BRCA1: variants seen among roughly 807,000 people sequenced by gnomAD.
The protein encoded by BRCA1 is BRCA1 DNA repair associated.
BRCA1 carries 140 observed loss-of-function variants against 173.7 expected under a neutral mutation model. The ratio of observed to expected loss-of-function variants is 0.81; its 90% CI spans 0.70 to 0.93. The LOEUF (loss-of-function observed/expected upper bound fraction) is 0.93. Ranked by LOEUF, BRCA1 falls within the 40% of genes least tolerant of loss-of-function variation. The pLI, the probability that BRCA1 is intolerant of heterozygous loss-of-function variation, is 0.00. For synonymous variants in BRCA1, 662 were observed against 756.0 expected, an observed-to-expected ratio of 0.88 and a Z score of 2.04; for missense variants, 1,983 against 2,172.5, an observed-to-expected ratio of 0.91 and a Z score of 1.73.
At chr17:43,097,408 T>A (rs2154522166) in intron 7 of BRCA1, 119 bp from the exon 8 acceptor site, 1 of 903,062 alleles carries the variant, frequency 1.1e-6, no homozygotes, top group Non-Finnish European at 1.8e-6. Flanking sequence ...GCATCTACTG[T>A]GGCAGGTACA....
At chr17:43,156,556 C>A (rs2056198465) in intron 1 of BRCA1, among the ~76,000 whole-genome samples, 1 of 152,064 alleles carries the variant, frequency 6.6e-6, no homozygotes, top group Admixed American at 6.6e-5. Flanking sequence ...TGACTTGTAC[C>A]AATGTGGGTA....
intron 1 of BRCA1, among the ~76,000 whole-genome samples, chr17:43,157,513 A>G (rs2056205002): frequency 6.6e-6 from 1 of 151,898 alleles, no homozygotes. Flanking sequence ...TCCTGACAAC[A>G]TGGTGAAACC....
intron 1 of BRCA1, among the ~76,000 whole-genome samples, chr17:43,131,837 G>A (rs35406806): frequency 0.32 from 47,970 of 151,644 alleles, 7,869 homozygotes; most frequent in South Asian, 0.49. Flanking sequence ...AGGCTGCAGT[G>A]CAGTGGCGCA....
intron 16 of BRCA1, among the ~76,000 whole-genome samples, chr17:43,065,349 C>A (rs1196745117): frequency 2.6e-5 from 4 of 152,046 alleles, no homozygotes; most frequent in Non-Finnish European, 5.9e-5. Flanking sequence ...TAGATCCTCT[C>A]CTTAAGTGCC....
intron 19 of BRCA1, among the ~76,000 whole-genome samples, chr17:43,055,071 G>C (rs2051404076): frequency 6.6e-6 from 1 of 152,080 alleles, no homozygotes; most frequent in Non-Finnish European, 1.5e-5. Flanking sequence ...GAAATGCCTG[G>C]TAGTGCACAC....
chr17:43,050,335 A>G (rs745806237), intron 20 of BRCA1: 16 of 364,550 alleles, frequency 4.4e-5, no homozygotes, highest in Non-Finnish European at 5.8e-5. Context: ...AGGGCTGGGC[A>G]CAGTGGCTCA....
rs80357407 is a variant in BRCA1 at position 43,091,495 on chromosome 17, C to T, written c.4036G>A (p.Glu1346Lys). ...SDKELVSDDE[E>K]RGTGLEENNQ... ...TTTTCTTCCAAGCCCGTTCCTCTTT[C>T]TTCATCATCTGAAACCAATTCCTTG... Residue 1346 changes from glutamate to lysine, a missense_variant, in exon 10 of 23, where the codon GAA (glutamate) becomes AAA (lysine). Coordinates refer to ENST00000357654, the MANE Select transcript of BRCA1 (RefSeq NM_007294.4). The T allele has an allele frequency of 4.3e-5, 69 of 1,613,396 alleles. No homozygotes were observed. The highest frequency in any genetic ancestry group is 5.7e-5 in the Non-Finnish European group (67 of 1,179,598).
chr17:43,124,188 T>C, intron 1 of BRCA1, 73 bp from the exon 2 acceptor site: 1 of 901,960 alleles, frequency 1.1e-6, no homozygotes, highest in South Asian at 1.6e-5. Context: ...CATTTTATCA[T>C]TTTAAAATAA....
At chr17:43,059,394 C>T (rs1293455881) in intron 18 of BRCA1, among the ~76,000 whole-genome samples, 3 of 151,938 alleles carry the variant, frequency 2.0e-5, no homozygotes, top group East Asian at 1.9e-4. Context: ...AACCGGGAGG[C>T]GGAGGTTGGA....
In BRCA1 at chr17:43,097,484, G is replaced by A. The variant is rs531944661; in HGVS notation, c.548-195C>T. Reference sequence around the variant, plus strand: ...AGGCATGGGCTTCGCCAGGCACAGTGGCTCTCACCTGTAATCCCAGCACTT... The same window carrying A: ...AGGCATGGGCTTCGCCAGGCACAGTAGCTCTCACCTGTAATCCCAGCACTT... On this transcript the variant is annotated intron_variant, in intron 7 of 22. Coordinates refer to ENST00000357654, the MANE Select transcript of BRCA1 (RefSeq NM_007294.4). Among the ~76,000 whole-genome samples the A allele has an allele frequency of 3.9e-5, 6 of 152,286 alleles. No homozygotes were observed. In the South Asian group the frequency reaches 1.0e-3, roughly 26 times the overall value.
chr17:43,071,907 C>T (rs1484201738), intron 14 of BRCA1, among the ~76,000 whole-genome samples: 1 of 151,338 alleles, frequency 6.6e-6, no homozygotes, highest in Non-Finnish European at 1.5e-5. Flanking sequence ...ACTAGGGAGG[C>T]TGAGGCAGGG....
intron 1 of BRCA1, among the ~76,000 whole-genome samples, chr17:43,154,817 A>C (rs1300229895): frequency 2.0e-5 from 3 of 150,552 alleles, no homozygotes; most frequent in African/African-American, 7.3e-5. Context: ...TAAGTGTATT[A>C]AAGAGAAAAA....
At chr17:43,067,476 G>A (rs901342098) in intron 16 of BRCA1, 132 bp downstream of exon 16, 4 of 694,828 alleles carry the variant, frequency 5.8e-6, no homozygotes, top group Non-Finnish European at 1.0e-5. Flanking sequence ...GGATGGTCTC[G>A]ATCTCCTAAT....
intron 11 of BRCA1, among the ~76,000 whole-genome samples, chr17:43,086,613 A>G (rs1320245310): frequency 6.6e-6 from 1 of 152,236 alleles, no homozygotes; most frequent in Non-Finnish European, 1.5e-5. Context: ...ATCTCTGGGA[A>G]TAAGATTAGA....
intron 15 of BRCA1, among the ~76,000 whole-genome samples, chr17:43,069,978 G>A (rs1597829134): frequency 6.6e-6 from 1 of 152,236 alleles, no homozygotes. Context: ...TTGTTGCCCA[G>A]GCTGGAGTGC....
At position 43,044,468 on chromosome 17, in the gene BRCA1, C is replaced by A. The variant is rs2050786869; in HGVS notation, c.*1210G>T. 4 of 509,526 alleles carry A rather than the reference C, an allele frequency of 7.9e-6. No individual in the cohort carries two copies. The highest frequency in any genetic ancestry group is 1.5e-5 in the South Asian group (1 of 64,916). The allele number at this position is 509,526 out of a possible 1,614,324, so 31.6% of individuals were successfully genotyped here. ...AATGGGTTTATGAAAAACACTTTTT[C>A]TTCCTTCAGCAAGCAAAATTATTTA... On this transcript the variant is annotated 3_prime_UTR_variant, in exon 23 of 23. Coordinates refer to ENST00000357654, the MANE Select transcript of BRCA1 (RefSeq NM_007294.4).
At chr17:43,091,255 C>A in intron 10 of BRCA1, 180 bp downstream of exon 10, 1 of 896,120 alleles carries the variant, frequency 1.1e-6, no homozygotes, top group Non-Finnish European at 1.8e-6. Context: ...AAGATGACGT[C>A]CTAGCTGTGT....
intron 12 of BRCA1, chr17:43,079,732 G>C: frequency 2.8e-6 from 4 of 1,419,994 alleles, no homozygotes; most frequent in Non-Finnish European, 4.0e-6. Flanking sequence ...GAACCAATGG[G>C]AAGGAGCCTG....
rs80356919 is a variant in BRCA1 at position 43,092,169 on chromosome 17, T to C, written c.3362A>G (p.Asn1121Ser). 6.8e-6 allele frequency: 11 copies of C among 1,613,344 alleles called. No individual in the cohort carries two copies. Among genetic ancestry groups the C allele is most frequent in the African/African-American group, 6.7e-5 (5 of 74,944 alleles). The part of the protein sequence containing the change: ...QEYEEVVQTV[N>S]TDFSPYLISD... ...AATCAGATATGGAGAGAAATCTGTA[T>C]TAACAGTCTGAACTACTTCTTCATA... The change falls in exon 10 of 23, where the codon AAT becomes AGT. Residue 1121 changes from asparagine (N) to serine (S), a missense_variant. Coordinates refer to ENST00000357654, the MANE Select transcript of BRCA1 (RefSeq NM_007294.4).
Sources: allele counts gnomAD v4.1 joint callset (sites outside exome capture counted in the v4.1 genomes callset), GRCh38; gene constraint gnomAD v4.1.1; transcripts MANE v1.5; gene names NCBI Gene and HGNC (gene_info 2026-07-23, HGNC 2026-07-21).